DLG2: variants seen among roughly 807,000 people sequenced by gnomAD.
The protein encoded by DLG2 is discs large MAGUK scaffold protein 2.
DLG2 carries 45 observed loss-of-function variants against 132.5 expected under a neutral mutation model. The ratio of observed to expected loss-of-function variants is 0.34; its 90% CI spans 0.27 to 0.44. The LOEUF is 0.44. Among genes scored for constraint, DLG2 ranks in the 20% least tolerant of loss-of-function variants. DLG2 has a pLI of 1.00. For synonymous variants in DLG2, 424 were observed against 419.6 expected (o/e 1.01, Z -0.13); for missense variants, 1,045 against 1,196.9 (o/e 0.87, Z 1.87).
At chr11:83,609,323 C>CCCCA (rs1256383078) in intron 19 of DLG2, among the ~76,000 whole-genome samples, 1 of 152,166 alleles carries the variant, frequency 6.6e-6, no homozygotes, top group Non-Finnish European at 1.5e-5. Flanking sequence ...AGCCAACCTG[C>CCCCA]CCCAGCAGGG....
chr11:84,289,702 C>T (rs1216129221), intron 7 of DLG2, among the ~76,000 whole-genome samples: 1 of 152,098 alleles, frequency 6.6e-6, no homozygotes. Flanking sequence ...AGATGATCCA[C>T]CCAGGCATGA....
chr11:85,384,381 G>GA (rs535653006), intron 3 of DLG2, among the ~76,000 whole-genome samples: 14 of 150,222 alleles, frequency 9.3e-5, no homozygotes, highest in South Asian at 6.3e-4. Context: ...AGGGATATTT[G>GA]AAAAAAAAAC....
chr11:85,432,842 G>A (rs1209485027), intron 3 of DLG2, among the ~76,000 whole-genome samples: 2 of 151,958 alleles, frequency 1.3e-5, no homozygotes, highest in African/African-American at 4.8e-5. Flanking sequence ...TCCACGAGAA[G>A]AACAACCCCA....
intron 4 of DLG2, among the ~76,000 whole-genome samples, chr11:85,157,626 C>T (rs1566947805): frequency 6.6e-6 from 1 of 152,108 alleles, no homozygotes; most frequent in Non-Finnish European, 1.5e-5. Context: ...ATCAGGGATT[C>T]TAAATACCAG....
At chr11:84,510,882 T>TGAAGGGA (rs1565149288) in intron 7 of DLG2, among the ~76,000 whole-genome samples, 2 of 151,676 alleles carry the variant, frequency 1.3e-5, no homozygotes, top group Non-Finnish European at 2.9e-5. Flanking sequence ...TAGGCTCAAA[T>TGAAGGGA]GAAGGGAGAA....
chr11:85,519,789 A>T (rs2074133043), intron 3 of DLG2, among the ~76,000 whole-genome samples: 1 of 152,058 alleles, frequency 6.6e-6, no homozygotes, highest in African/African-American at 2.4e-5. Context: ...TAATTTAATC[A>T]TGGGGTCAGG....
chr11:83,895,145 C>CTTTTTTTTTTTTTT (rs11287512), intron 15 of DLG2, among the ~76,000 whole-genome samples: 7 of 87,902 alleles, frequency 8.0e-5, no homozygotes, highest in African/African-American at 3.0e-4. Context: ...GAACTACTGT[C>CTTTTTTTTTTTTTT]TTTTTTTTTT....
chr11:84,440,783 ACACT>A (rs1284542795), intron 7 of DLG2, among the ~76,000 whole-genome samples: 3 of 152,184 alleles, frequency 2.0e-5, no homozygotes, highest in African/African-American at 7.2e-5. Flanking sequence ...CTCAACACAC[ACACT>A]ATGTGAGCCT....
chr11:83,877,597 C>T (rs991108262), intron 15 of DLG2, among the ~76,000 whole-genome samples: 4 of 151,982 alleles, frequency 2.6e-5, no homozygotes, highest in South Asian at 2.1e-4. Flanking sequence ...CAAATGGTAC[C>T]CTGAGGTGCA....
chr11:84,241,617 C>T (rs1598210220), intron 8 of DLG2, among the ~76,000 whole-genome samples: 1 of 152,022 alleles, frequency 6.6e-6, no homozygotes, highest in East Asian at 1.9e-4. Flanking sequence ...AAAAACCCAC[C>T]AGGATTAAAC....
chr11:83,832,885 T>A lies in DLG2; in HGVS notation c.1722+729A>T, dbSNP rs376990147. Among the ~76,000 whole-genome samples the A allele has an allele frequency of 2.0e-4, 30 of 152,366 alleles. 1 individual carries two copies. Among genetic ancestry groups the A allele is most frequent in the African/African-American group, 6.3e-4 (26 of 41,588 alleles). ...GCAAACTCTATATAGCATTATCTTA[T>A]GCATTTTTTTGTTTTTACATTTGCA... is the stretch of plus-strand genomic sequence containing the variant. On this transcript the variant is annotated intron_variant, in intron 17 of 27. Coordinates refer to ENST00000376104, the MANE Select transcript of DLG2 (RefSeq NM_001142699.3).
chr11:84,004,315 C>T (rs767510576), intron 11 of DLG2, among the ~76,000 whole-genome samples: 4 of 151,948 alleles, frequency 2.6e-5, no homozygotes, highest in Admixed American at 6.6e-5. Flanking sequence ...TATATCACAT[C>T]AACAGAAGGA....
chr11:85,134,255 CTT>C (rs575257650), intron 5 of DLG2, among the ~76,000 whole-genome samples: 4 of 145,580 alleles, frequency 2.7e-5, no homozygotes, highest in Admixed American at 2.1e-4. Flanking sequence ...CCACCACCCT[CTT>C]TTTTTTTTTT....
chr11:85,453,669 C>T (rs1164563305), intron 3 of DLG2: 1 of 152,576 alleles, frequency 6.6e-6, no homozygotes, highest in African/African-American at 2.4e-5. Context: ...GTGTGCTCTG[C>T]CTAAATCACA....
At chr11:83,688,508 A>G (rs1428483936) in intron 18 of DLG2, among the ~76,000 whole-genome samples, 1 of 152,168 alleles carries the variant, frequency 6.6e-6, no homozygotes, top group Non-Finnish European at 1.5e-5. Context: ...ATGACTTTGC[A>G]AGATGGACCA....
chr11:83,486,221 T>C, intron 21 of DLG2: 1 of 691,424 alleles, frequency 1.4e-6, no homozygotes, highest in Non-Finnish European at 2.6e-6. Context: ...CATGCCACTT[T>C]TACATTTCAA....
chr11:83,602,741 A>T (rs926730384), intron 19 of DLG2, among the ~76,000 whole-genome samples: 16 of 152,356 alleles, frequency 1.1e-4, no homozygotes, highest in African/African-American at 3.8e-4. Context: ...ATAGTGAAGA[A>T]CAGAAAAAAT....
intron 3 of DLG2, among the ~76,000 whole-genome samples, chr11:85,310,624 C>T (rs2080256238): frequency 6.6e-6 from 1 of 152,176 alleles, no homozygotes; most frequent in Non-Finnish European, 1.5e-5. Context: ...GATAGCAAAC[C>T]CAGATGCTGT....
intron 3 of DLG2, among the ~76,000 whole-genome samples, chr11:85,335,616 ACACTTAG>A (rs1208380720): frequency 6.6e-6 from 1 of 152,200 alleles, no homozygotes; most frequent in Non-Finnish European, 1.5e-5. Context: ...AGTAATGAAT[ACACTTAG>A]CATTTGCTTG....
Sources: gnomAD v4.1 joint callset for allele counts (sites outside exome capture counted in the v4.1 genomes callset) on GRCh38, gnomAD v4.1.1 for gene constraint, MANE v1.5 for transcripts, NCBI Gene and HGNC (gene_info 2026-07-23, HGNC 2026-07-21) for gene names.